DLGAP2: variants seen among roughly 807,000 people sequenced by gnomAD.
The protein encoded by DLGAP2 is DLG associated protein 2, also known as disks large-associated protein 2.
DLGAP2 carries 26 observed loss-of-function variants against 100.3 expected under a neutral mutation model. That is an observed-to-expected ratio of 0.26 (90% CI 0.19 to 0.36). The LOEUF (loss-of-function observed/expected upper bound fraction) is 0.36, where lower values mean the gene tolerates loss of function less well. DLGAP2 is among the 10% of genes least tolerant of loss of function. The pLI is 1.00. For missense variants in DLGAP2, 1,858 were observed against 1,453.2 expected, an observed-to-expected ratio of 1.28 and a Z score of -4.53; for synonymous variants, 886 against 630.1, an observed-to-expected ratio of 1.41 and a Z score of -6.08.
chr8:890,751 T>C (rs950267992), intron 1 of DLGAP2, among the ~76,000 whole-genome samples: 3 of 152,016 alleles, frequency 2.0e-5, no homozygotes, highest in Non-Finnish European at 4.4e-5. Context: ...GTGGCTGGGA[T>C]CTGCTTCCTG....
intron 2 of DLGAP2, among the ~76,000 whole-genome samples, chr8:1,188,743 A>T (rs1797570755): frequency 6.6e-6 from 1 of 152,216 alleles, no homozygotes; most frequent in Non-Finnish European, 1.5e-5. Flanking sequence ...AGAGTCTGAG[A>T]TGTCAGCGTC....
At chr8:1,605,575 T>C (rs1019388032) in intron 6 of DLGAP2, among the ~76,000 whole-genome samples, 1 of 152,154 alleles carries the variant, frequency 6.6e-6, no homozygotes, top group African/African-American at 2.4e-5. Flanking sequence ...TAGGATGAAA[T>C]CTTTTCAATT....
chr8:1,496,058 T>G (rs56872449), intron 3 of DLGAP2, among the ~76,000 whole-genome samples: 7,817 of 152,198 alleles, frequency 0.051, 642 homozygotes, highest in African/African-American at 0.17. Context: ...GCCTGATACA[T>G]AGAGAATGTA....
chr8:1,000,200 C>T lies in DLGAP2; in HGVS notation c.73+92234C>T, dbSNP rs182592118. 2.7e-5 allele frequency among the ~76,000 whole-genome samples: 4 copies of T among 148,344 alleles called. 1 individual carries two copies. The highest frequency in any genetic ancestry group is 6.0e-5 in the Non-Finnish European group (4 of 66,142). ...TCCGGGTGGAGGTGGTTTTCTTTTGCACTGGATTTTCTCTAGAGCGGACAG... is the reference window on the plus strand; with the variant it reads ...TCCGGGTGGAGGTGGTTTTCTTTTGTACTGGATTTTCTCTAGAGCGGACAG... On this transcript the variant is annotated intron_variant, in intron 2 of 14. Coordinates refer to ENST00000637795, the MANE Select transcript of DLGAP2 (RefSeq NM_001346810.2).
At chr8:818,936 C>A (rs6559189) in intron 1 of DLGAP2, among the ~76,000 whole-genome samples, 151,223 of 152,344 alleles carry the variant, frequency 0.99, 75,066 homozygotes, top group Middle Eastern at 1. Context: ...AACCATGGAA[C>A]AACTAAAAAT....
At chr8:1,151,695 G>C (rs1271855839) in intron 2 of DLGAP2, among the ~76,000 whole-genome samples, 1 of 152,198 alleles carries the variant, frequency 6.6e-6, no homozygotes, top group South Asian at 2.1e-4. Flanking sequence ...GCTCAAAGCG[G>C]TGCTTAGGCC....
intron 2 of DLGAP2, among the ~76,000 whole-genome samples, chr8:1,008,788 G>T (rs1004639633): frequency 6.6e-6 from 1 of 152,244 alleles, no homozygotes; most frequent in African/African-American, 2.4e-5. Flanking sequence ...CTGCTGCATG[G>T]TGCTGCGCCC....
chr8:997,964 C>T (rs556077977), intron 2 of DLGAP2, among the ~76,000 whole-genome samples: 5 of 152,136 alleles, frequency 3.3e-5, no homozygotes, highest in African/African-American at 9.7e-5. Flanking sequence ...CACATGCATA[C>T]ACGCATGCAT....
At chr8:1,239,592 CTA>C (rs1798737620) in intron 2 of DLGAP2, among the ~76,000 whole-genome samples, 2 of 93,386 alleles carry the variant, frequency 2.1e-5, no homozygotes, top group Non-Finnish European at 2.1e-5. Flanking sequence ...GTCTAGTTAC[CTA>C]TCACATGGTG....
At chr8:1,516,115 G>T (rs1209781623) in intron 4 of DLGAP2, among the ~76,000 whole-genome samples, 31 of 152,096 alleles carry the variant, frequency 2.0e-4, no homozygotes, top group Non-Finnish European at 2.9e-5. Flanking sequence ...GTGAATGAGT[G>T]ACTGAGTGAG....
At chr8:1,093,369 A>G (rs1804250664) in intron 2 of DLGAP2, among the ~76,000 whole-genome samples, 1 of 151,858 alleles carries the variant, frequency 6.6e-6, no homozygotes, top group Admixed American at 6.5e-5. Flanking sequence ...AGCCAGAAAC[A>G]CCTTCACACC....
intron 8 of DLGAP2, among the ~76,000 whole-genome samples, chr8:1,634,792 T>C (rs993124255): frequency 2.2e-4 from 33 of 152,246 alleles, no homozygotes; most frequent in African/African-American, 7.9e-4. Flanking sequence ...ATAGAGAGAA[T>C]AAAAATAAAA....
chr8:1,567,984 C>CA (rs1400062313), intron 6 of DLGAP2, among the ~76,000 whole-genome samples: 1 of 152,174 alleles, frequency 6.6e-6, no homozygotes, highest in Non-Finnish European at 1.5e-5. Flanking sequence ...GTTCTAAACA[C>CA]AAATCCACTC....
At chr8:989,442 T>C (rs1352955742) in intron 2 of DLGAP2, among the ~76,000 whole-genome samples, 2 of 152,188 alleles carry the variant, frequency 1.3e-5, no homozygotes, top group African/African-American at 4.8e-5. Flanking sequence ...CTCTCCTGTG[T>C]CCTGGGCGGC....
At chr8:1,157,817 T>G (rs548279471) in intron 2 of DLGAP2, among the ~76,000 whole-genome samples, 53 of 152,336 alleles carry the variant, frequency 3.5e-4, no homozygotes, top group Non-Finnish European at 6.6e-4. Flanking sequence ...AGGGAGGCGA[T>G]GAGGGCACTT....
intron 8 of DLGAP2, among the ~76,000 whole-genome samples, chr8:1,661,253 C>T (rs558233072): frequency 6.6e-5 from 10 of 152,290 alleles, no homozygotes; most frequent in African/African-American, 1.7e-4. Flanking sequence ...TGAGGTGCTG[C>T]GCCTCATGGT....
intron 2 of DLGAP2, among the ~76,000 whole-genome samples, chr8:1,080,583 A>C (rs1480869531): frequency 6.6e-6 from 1 of 151,848 alleles, no homozygotes; most frequent in Non-Finnish European, 1.5e-5. Flanking sequence ...CTGCAGGGAC[A>C]CAGAGCTCCT....
rs200783551 is a variant in DLGAP2, at chr8:1,172,140, T to G, written c.74-86711T>G. Among the ~76,000 whole-genome samples the G allele has an allele frequency of 1.9e-4, 29 of 151,474 alleles. No homozygotes were observed. The East Asian group carries it at 3.1e-3, about 16-fold the overall frequency. ...AAGTATTTTATTTCTCCTTCACTTA[T>G]GAAGCTTAGTTTGGCTGGATATGAA... On this transcript the variant is annotated intron_variant, in intron 2 of 14. Transcript: ENST00000637795.
At chr8:1,071,400 C>G (rs1042028766) in intron 2 of DLGAP2, among the ~76,000 whole-genome samples, 5 of 152,174 alleles carry the variant, frequency 3.3e-5, no homozygotes, top group African/African-American at 7.2e-5. Flanking sequence ...CAGCACCACC[C>G]TGGATGATGT....
Sources: allele counts gnomAD v4.1 joint callset (sites outside exome capture counted in the v4.1 genomes callset), GRCh38; gene constraint gnomAD v4.1.1; transcripts MANE v1.5; gene names NCBI Gene and HGNC (gene_info 2026-07-23, HGNC 2026-07-21).